NIN: variants seen among roughly 807,000 people sequenced by gnomAD.
The protein encoded by NIN is glycogen synthase kinase 3 beta-interacting protein.
Under a neutral mutation model 257.6 loss-of-function variants are expected in NIN, and 137 were observed. That is an observed-to-expected ratio of 0.53 (90% CI 0.46 to 0.61). The LOEUF is 0.61. Among genes scored for constraint, NIN ranks in the 20% least tolerant of loss-of-function variants. The pLI, the probability that NIN is intolerant of heterozygous loss-of-function variation, is 0.00. For missense variants in NIN, 2,439 were observed against 2,501.2 expected (o/e 0.98, Z 0.53); for synonymous variants, 918 against 919.8 (o/e 1.00, Z 0.04).
chr14:50,828,857 T>C (rs189078325), intron 2 of NIN, among the ~76,000 whole-genome samples: 1 of 152,304 alleles, frequency 6.6e-6, no homozygotes, highest in African/African-American at 2.4e-5. Flanking sequence ...TAACATCTTT[T>C]GATATTAAGG....
At chr14:50,782,820 G>A (rs966564216) in intron 5 of NIN, among the ~76,000 whole-genome samples, 1 of 152,198 alleles carries the variant, frequency 6.6e-6, no homozygotes, top group Admixed American at 6.5e-5. Context: ...GAGGCGGTTT[G>A]GTGGGAAGCC....
intron 21 of NIN, among the ~76,000 whole-genome samples, chr14:50,749,547 A>G (rs935770310): frequency 1.3e-5 from 2 of 152,104 alleles, no homozygotes; most frequent in African/African-American, 4.8e-5. Flanking sequence ...CTATCAGTGC[A>G]TTTTGTCTAC....
At chr14:50,805,611 C>G (rs2044291238) in intron 4 of NIN, among the ~76,000 whole-genome samples, 1 of 152,166 alleles carries the variant, frequency 6.6e-6, no homozygotes, top group South Asian at 2.1e-4. Flanking sequence ...GAAATGAGCT[C>G]CCATCTGTGC....
chr14:50,793,256 G>A (rs2043681128), intron 4 of NIN, among the ~76,000 whole-genome samples: 3 of 151,966 alleles, frequency 2.0e-5, no homozygotes, highest in Admixed American at 1.3e-4. Flanking sequence ...ACACCTTGGA[G>A]GAAGTCTTAG....
intron 29 of NIN, chr14:50,726,505 T>C (rs528597867): frequency 1.4e-4 from 21 of 155,136 alleles, no homozygotes; most frequent in Non-Finnish European, 2.4e-4. Flanking sequence ...ACCAATCAGC[T>C]TGCAATATGC....
chr14:50,828,015 A>G (rs1446964281), intron 2 of NIN, among the ~76,000 whole-genome samples: 2 of 151,810 alleles, frequency 1.3e-5, no homozygotes, highest in African/African-American at 4.8e-5. Flanking sequence ...AAAAAACGCC[A>G]TTAGCCTGGC....
chr14:50,764,550 C>G (rs774301869), intron 14 of NIN, among the ~76,000 whole-genome samples: 1 of 152,150 alleles, frequency 6.6e-6, no homozygotes, highest in Non-Finnish European at 1.5e-5. Context: ...AGCTGCGTTA[C>G]TCATAATAGC....
At chr14:50,758,856 G>C (rs956030063) in intron 17 of NIN, among the ~76,000 whole-genome samples, 5 of 152,112 alleles carry the variant, frequency 3.3e-5, no homozygotes, top group Non-Finnish European at 7.3e-5. Context: ...CCTCTCTCTG[G>C]AGTTAGGGGG....
At position 50,723,629 on chromosome 14, in the gene NIN, T is replaced by A. The variant is rs1273810546; in HGVS notation, c.6236A>T (p.Tyr2079Phe). The A allele has an allele frequency of 6.2e-7, 1 of 1,613,904 alleles. No homozygotes were observed. Among genetic ancestry groups the A allele is most frequent in the Non-Finnish European group, 8.5e-7 (1 of 1,179,802 alleles). The change falls in exon 31 of 31, where the codon TAT becomes TTT. Residue 2079 changes from tyrosine (Y) to phenylalanine (F), a missense_variant. Tyr to Phe is a conservative substitution (Grantham distance 22). Coordinates refer to ENST00000530997, the MANE Select transcript of NIN (RefSeq NM_020921.4). ...TKADAMVKDL[Y>F]VENAQLLKAL... is the part of the protein sequence containing the mutation. The stretch of plus-strand genomic sequence containing the variant: ...TTTCAACAACTGGGCATTTTCAACA[T>A]ACAAGTCCTTCACCATTGCGTCTGC...
intron 14 of NIN, among the ~76,000 whole-genome samples, chr14:50,764,573 A>G (rs1242351642): frequency 2.0e-5 from 3 of 152,202 alleles, no homozygotes; most frequent in African/African-American, 7.2e-5. Context: ...AAATCCCCCA[A>G]ATGTCCCTTA....
intron 4 of NIN, among the ~76,000 whole-genome samples, chr14:50,802,588 G>A (rs2044147433): frequency 6.6e-6 from 1 of 152,188 alleles, no homozygotes; most frequent in Admixed American, 6.5e-5. Flanking sequence ...GAACTTTATA[G>A]TTTCAATGAA....
Position 50,739,320 on chromosome 14 carries a change from G to C in NIN, c.5616C>G (p.His1872Gln), listed in dbSNP as rs548694610. ...CTTCTCCAATTACCTTCTCCCGGGA[G>C]TGCGTGAGTTCGGCTTTGGTGTTCT... ...MVQNTKAELTHSREKVRQLES... is the reference protein window; with the variant it reads ...MVQNTKAELTQSREKVRQLES... The change falls in exon 26 of 31, where the codon CAC becomes CAG. Residue 1872 changes from histidine to glutamine, a missense_variant. By Grantham distance (24) the His-to-Gln change is conservative. Coordinates refer to ENST00000530997, the MANE Select transcript of NIN (RefSeq NM_020921.4). The C allele has an allele frequency of 1.2e-6, 2 of 1,614,082 alleles. No homozygotes were observed. The highest frequency in any genetic ancestry group is 1.3e-5 in the African/African-American group (1 of 75,038).
chr14:50,739,528 T>C, intron 25 of NIN, 41 bp from the exon 26 acceptor site: 1 of 1,587,774 alleles, frequency 6.3e-7, no homozygotes, highest in South Asian at 1.1e-5. Context: ...AAACAAGCTA[T>C]TGGGTAATTG....
At chr14:50,742,217 T>C (rs1244108698) in intron 24 of NIN, 1 of 152,500 alleles carries the variant, frequency 6.6e-6, no homozygotes, top group East Asian at 1.9e-4. Context: ...AGTTTCAAAC[T>C]AGTCTAGGCA....
chr14:50,800,007 TACACACACACAC>T (rs71118902), intron 4 of NIN, among the ~76,000 whole-genome samples: 16,974 of 148,082 alleles, frequency 0.11, 1,006 homozygotes, highest in South Asian at 0.25. Context: ...TATATACACA[TACACACACACAC>T]ACACACACAC....
chr14:50,776,870 A>T, intron 7 of NIN, 79 bp downstream of exon 7: 1 of 1,265,184 alleles, frequency 7.9e-7, no homozygotes, highest in South Asian at 1.5e-5. Context: ...GCAGAGAGCC[A>T]CACTACAGCT....
intron 13 of NIN, among the ~76,000 whole-genome samples, 183 bp from the exon 14 acceptor site, chr14:50,766,579 C>T (rs2042497994): frequency 6.6e-6 from 1 of 152,196 alleles, no homozygotes; most frequent in South Asian, 2.1e-4. Context: ...GTTCAATGAA[C>T]ACAGGGATCA....
At chr14:50,821,582 G>A (rs2045223082) in intron 3 of NIN, among the ~76,000 whole-genome samples, 1 of 152,092 alleles carries the variant, frequency 6.6e-6, no homozygotes, top group African/African-American at 2.4e-5. Context: ...GATGAATGTG[G>A]AGTCAATAAA....
At chr14:50,814,800 C>G (rs1217504980) in intron 3 of NIN, among the ~76,000 whole-genome samples, 1 of 152,194 alleles carries the variant, frequency 6.6e-6, no homozygotes, top group Non-Finnish European at 1.5e-5. Flanking sequence ...AAAGGATTCC[C>G]TATTTAACAA....
Sources: gnomAD v4.1 joint callset for allele counts (sites outside exome capture counted in the v4.1 genomes callset) on GRCh38, gnomAD v4.1.1 for gene constraint, MANE v1.5 for transcripts, NCBI Gene and HGNC (gene_info 2026-07-23, HGNC 2026-07-21) for gene names.